The following MEGF11 variants were observed in gnomAD, a reference collection of about 807,000 sequenced individuals.
MEGF11 encodes multiple EGF like domains 11.
MEGF11 carries 126 observed loss-of-function variants against 146.6 expected under a neutral mutation model. The ratio of observed to expected loss-of-function variants is 0.86; its 90% CI spans 0.74 to 1.00. The LOEUF (loss-of-function observed/expected upper bound fraction) is 1.00. Ranked by LOEUF, MEGF11 falls within the 50% of genes least tolerant of loss-of-function variation. The pLI is 0.00. For missense variants in MEGF11, 1,509 were observed against 1,521.2 expected, an observed-to-expected ratio of 0.99 and a Z score of 0.13; for synonymous variants, 532 against 583.4, an observed-to-expected ratio of 0.91 and a Z score of 1.27.
At chr15:66,059,777 C>T (rs996229748) in intron 5 of MEGF11, among the ~76,000 whole-genome samples, 4 of 152,222 alleles carry the variant, frequency 2.6e-5, no homozygotes, top group African/African-American at 9.7e-5. Context: ...ACTCTACCTA[C>T]GGTAGAACTG....
At chr15:65,909,656 T>A in intron 22 of MEGF11, 84 bp downstream of exon 22, 1 of 1,341,856 alleles carries the variant, frequency 7.5e-7, no homozygotes, top group South Asian at 1.3e-5. Flanking sequence ...CATAACCCTG[T>A]CCCTTCAAGC....
chr15:65,901,966 A>G lies in MEGF11; in HGVS notation c.3056-3032T>C, dbSNP rs185089646. 3.3e-5 allele frequency: 5 copies of G among 151,752 alleles called. No individual in the cohort carries two copies. In the East Asian group the frequency reaches 9.8e-4, roughly 30 times the overall value. 9.4% of individuals were successfully genotyped at this position (151,752 alleles called of 1,614,324 possible). A position where few individuals can be genotyped will look rare whatever the true frequency, so the allele number is the denominator to read the frequency against. On this transcript the variant is annotated intron_variant, in intron 24 of 25. Coordinates refer to ENST00000395614, the MANE Select transcript of MEGF11 (RefSeq NM_001385028.1). ...CTGTCTTCTCTTGATACCAATCAAG[A>G]TGTTTTCCCTCACTACGTGTCTTGT...
intron 5 of MEGF11, among the ~76,000 whole-genome samples, chr15:66,028,692 C>A (rs1470564663): frequency 6.6e-6 from 1 of 152,020 alleles, no homozygotes; most frequent in African/African-American, 2.4e-5. Flanking sequence ...GTATATAAAC[C>A]CAACGCACTA....
At chr15:65,967,861 A>C (rs1452581525) in intron 8 of MEGF11, among the ~76,000 whole-genome samples, 3 of 151,724 alleles carry the variant, frequency 2.0e-5, no homozygotes. Context: ...TGATGACAAC[A>C]CCCCCGGGCA....
chr15:65,980,331 C>T (rs1268016006), intron 7 of MEGF11, among the ~76,000 whole-genome samples: 5 of 147,854 alleles, frequency 3.4e-5, no homozygotes, highest in East Asian at 2.0e-4. Context: ...CCACTGGCAG[C>T]GTTTAGTGAT....
chr15:66,203,962 G>C (rs1278431238), intron 1 of MEGF11, among the ~76,000 whole-genome samples: 1 of 152,088 alleles, frequency 6.6e-6, no homozygotes, highest in African/African-American at 2.4e-5. Context: ...GTTTCTGTGG[G>C]CCAGGTGTGG....
In MEGF11 at chr15:66,240,416, G is replaced by A. The variant is rs16949725; in HGVS notation, c.-9+13189C>T. 4.1e-3 allele frequency among the ~76,000 whole-genome samples: 630 copies of A among 152,344 alleles called. 19 individuals are homozygous for A. In the East Asian group the frequency reaches 0.081, roughly 20 times the overall value. On this transcript the variant is annotated intron_variant, in intron 1 of 25. Transcript: ENST00000395614. ...AGAGCTGGACTTACAGAAAGGCCAC[G>A]AAGGGACGCAGGCCTGTTGCCTGTC...
intron 5 of MEGF11, among the ~76,000 whole-genome samples, chr15:66,058,724 G>A (rs1025220387): frequency 8.5e-5 from 13 of 152,276 alleles, no homozygotes; most frequent in Middle Eastern, 3.4e-3. Flanking sequence ...CCTCTTCGGG[G>A]TGGCCCTATT....
intron 1 of MEGF11, among the ~76,000 whole-genome samples, chr15:66,242,998 CA>C (rs1173278277): frequency 1.3e-5 from 2 of 152,192 alleles, no homozygotes; most frequent in African/African-American, 4.8e-5. Flanking sequence ...CTCTTTCCCC[CA>C]AAGTATACAA....
chr15:66,070,063 G>T (rs58085312), intron 5 of MEGF11, among the ~76,000 whole-genome samples: 88 of 152,346 alleles, frequency 5.8e-4, no homozygotes, highest in African/African-American at 1.9e-3. Context: ...CAAAGGAAAT[G>T]ACCTCAGCAG....
At chr15:66,051,420 T>C (rs1258970829) in intron 5 of MEGF11, among the ~76,000 whole-genome samples, 1 of 152,104 alleles carries the variant, frequency 6.6e-6, no homozygotes, top group Non-Finnish European at 1.5e-5. Context: ...TGAGACCTGG[T>C]CCACCCCAGA....
chr15:65,898,208 A>G (rs1417906543), intron 25 of MEGF11, 114 bp from the exon 26 acceptor site: 7 of 1,463,106 alleles, frequency 4.8e-6, no homozygotes, highest in South Asian at 2.9e-5. Context: ...TTATAAATCT[A>G]TGGCAAATAC....
chr15:66,145,657 G>A (rs530247678), intron 1 of MEGF11, among the ~76,000 whole-genome samples: 20 of 152,294 alleles, frequency 1.3e-4, no homozygotes, highest in Non-Finnish European at 2.1e-4. Context: ...CTCAAATAAC[G>A]GAGATGGGGA....
intron 5 of MEGF11, among the ~76,000 whole-genome samples, chr15:66,073,851 A>C (rs62011775): frequency 1.3e-4 from 20 of 152,242 alleles, no homozygotes; most frequent in Admixed American, 2.6e-4. Flanking sequence ...AACTACATTA[A>C]GTGAACACCT....
At position 65,982,413 on chromosome 15, in the gene MEGF11, A is replaced by G; in HGVS notation, c.470T>C (p.Ile157Thr). The part of the protein sequence containing the change: ...QCQNGALCNP[I>T]TGACVCAAGF... The stretch of plus-strand genomic sequence containing the variant: ...GGCGGCGCACACGCAGGCGCCTGTG[A>G]TGGGGTTACACAGGGCGCCGTTCTG... The change falls in exon 6 of 26, where the codon ATC becomes ACC. Residue 157 changes from isoleucine (I) to threonine (T), a missense_variant. By Grantham distance (89) the Ile-to-Thr change is moderately conservative. Coordinates refer to ENST00000395614, the MANE Select transcript of MEGF11 (RefSeq NM_001385028.1). This position sits in a 1 kb window ranked among gnomAD's most constrained non-coding sequence, Gnocchi z 5.6. 14 of 1,535,134 alleles carry G rather than the reference A, an allele frequency of 9.1e-6. No homozygotes were observed. Among genetic ancestry groups the G allele is most frequent in the Non-Finnish European group, 1.2e-5 (14 of 1,143,100 alleles).
At chr15:66,076,214 A>T (rs1256383534) in intron 5 of MEGF11, among the ~76,000 whole-genome samples, 1 of 148,356 alleles carries the variant, frequency 6.7e-6, no homozygotes, top group Non-Finnish European at 1.5e-5. Context: ...GGATGGATGG[A>T]TGGATGGATG....
At chr15:66,135,196 C>G (rs1041557773) in intron 1 of MEGF11, among the ~76,000 whole-genome samples, 6 of 152,186 alleles carry the variant, frequency 3.9e-5, no homozygotes, top group Non-Finnish European at 5.9e-5. Flanking sequence ...ACATCCTTCA[C>G]CTCAAAGACT....
chr15:65,960,733 T>C, intron 9 of MEGF11, among the ~76,000 whole-genome samples: 1 of 152,242 alleles, frequency 6.6e-6, no homozygotes, highest in East Asian at 1.9e-4. Context: ...ATGGTCACGC[T>C]GGAGCTCATC....
At chr15:66,206,071 G>A (rs11634401) in intron 1 of MEGF11, among the ~76,000 whole-genome samples, 121,009 of 152,170 alleles carry the variant, frequency 0.8, 48,383 homozygotes, top group African/African-American at 0.84. Flanking sequence ...ACAAATGAAC[G>A]AAACAAAAAA....
Sources: allele counts gnomAD v4.1 joint callset (sites outside exome capture counted in the v4.1 genomes callset), GRCh38; gene constraint gnomAD v4.1.1; non-coding constraint Gnocchi (gnomAD v3.1); transcripts MANE v1.5; gene names NCBI Gene and HGNC (gene_info 2026-07-23, HGNC 2026-07-21).